MSTO1: variants seen among roughly 807,000 people sequenced by gnomAD.
MSTO1 encodes the protein misato mitochondrial distribution and morphology regulator 1.
MSTO1 carries 24 observed loss-of-function variants against 55.7 expected under a neutral mutation model. That is an observed-to-expected ratio of 0.43 (90% CI 0.31 to 0.61). MSTO1 has a LOEUF of 0.61. MSTO1 is among the 20% of genes least tolerant of loss of function. MSTO1 has a pLI of 0.09. For synonymous variants in MSTO1, 162 were observed against 252.8 expected, an observed-to-expected ratio of 0.64 and a Z score of 3.41; for missense variants, 363 against 625.7, an observed-to-expected ratio of 0.58 and a Z score of 4.48.
chr1:155,609,962 C>G (rs1323871128), upstream of MSTO1: 1 of 465,574 alleles, frequency 2.1e-6, no homozygotes, highest in East Asian at 4.0e-5. Context: ...CCTGGCGGCC[C>G]CAAGTCAGCG....
At chr1:155,574,209 T>G in the MSTO1 span, among the ~76,000 whole-genome samples, 4 of 152,022 alleles carry the variant, frequency 2.6e-5, no homozygotes. Flanking sequence ...AACACAAAAA[T>G]TAGCCAAGTG....
chr1:155,609,231 AT>A (rs2148978619), upstream of MSTO1, among the ~76,000 whole-genome samples: 1 of 46,702 alleles, frequency 2.1e-5, no homozygotes, highest in African/African-American at 6.6e-5. Flanking sequence ...ATATATATAT[AT>A]ATATATATAT....
At chr1:155,569,043 G>A in the MSTO1 span, among the ~76,000 whole-genome samples, 4 of 151,088 alleles carry the variant, frequency 2.6e-5, no homozygotes, top group Non-Finnish European at 4.4e-5. Context: ...TAGTAGAGCC[G>A]GGGTTTCAGC....
chr1:155,596,281 T>A, the MSTO1 span, among the ~76,000 whole-genome samples: 4 of 152,342 alleles, frequency 2.6e-5, no homozygotes, highest in East Asian at 7.7e-4. Context: ...TGCCAATTCC[T>A]CTGGGGTTTC....
At chr1:155,600,337 T>A in the MSTO1 span, among the ~76,000 whole-genome samples, 1 of 152,178 alleles carries the variant, frequency 6.6e-6, no homozygotes, top group Non-Finnish European at 1.5e-5. Context: ...TAACCCTGAG[T>A]TGACTCAGCA....
chr1:155,592,170 G>A, the MSTO1 span, among the ~76,000 whole-genome samples: 1 of 152,178 alleles, frequency 6.6e-6, no homozygotes, highest in African/African-American at 2.4e-5. Flanking sequence ...GATATTGTTT[G>A]TGTTGTGTGC....
chr1:155,612,312 G>T lies in MSTO1; in HGVS notation c.809G>T (p.Arg270Leu), dbSNP rs1247279165. Reference protein sequence around the residue: ...TWGLLPGPYHRGEAQRNIYRL... With the variant: ...TWGLLPGPYHLGEAQRNIYRL... ...GGCCTGCTACCTGGTCCCTACCATC[G>T]TGGGGTGAGTGGAACTTAGAGAAGT... Residue 270 changes from arginine (R) to leucine (L), a missense_variant, in exon 8 of 14, where the codon CGT becomes CTT. By Grantham distance (102) the Arg-to-Leu change is moderately radical. Coordinates refer to ENST00000245564, the MANE Select transcript of MSTO1 (RefSeq NM_018116.4). 6 of 1,577,692 alleles carry T rather than the reference G, an allele frequency of 3.8e-6. No individual in the cohort carries two copies. The East Asian group carries it at 1.3e-4, about 35-fold the overall frequency.
At position 155,613,577 on chromosome 1, in the gene MSTO1, C is replaced by T. The variant is rs374171250; in HGVS notation, c.1388+11C>T. Reference sequence around the variant, plus strand: ...GCCTGGAGTCATGAGGTCAGTGTAACGGTTGCTCCTGCCCTTCTTGCCAAC... The same window carrying T: ...GCCTGGAGTCATGAGGTCAGTGTAATGGTTGCTCCTGCCCTTCTTGCCAAC... On this transcript the variant is annotated intron_variant, in intron 12 of 13. Transcript: ENST00000245564. 3.7e-5 allele frequency: 60 copies of T among 1,602,678 alleles called. No individual in the cohort carries two copies. The African/African-American group carries it at 4.8e-4, about 13-fold the overall frequency.
At chr1:155,568,409 T>A in the MSTO1 span, among the ~76,000 whole-genome samples, 1 of 149,354 alleles carries the variant, frequency 6.7e-6, no homozygotes, top group East Asian at 2.0e-4. Flanking sequence ...CGGAAGAAAT[T>A]TGAGATTTTT....
chr1:155,605,367 AAAC>A (rs1345627199), upstream of MSTO1, among the ~76,000 whole-genome samples: 3 of 152,362 alleles, frequency 2.0e-5, no homozygotes, highest in East Asian at 5.8e-4. Flanking sequence ...AGTTCACCAT[AAAC>A]AACTTGGTAG....
At chr1:155,575,051 G>A in the MSTO1 span, among the ~76,000 whole-genome samples, 1 of 151,838 alleles carries the variant, frequency 6.6e-6, no homozygotes, top group Non-Finnish European at 1.5e-5. Flanking sequence ...ATTTTTAGTA[G>A]AGACGGAGTT....
chr1:155,601,475 A>C, the MSTO1 span, among the ~76,000 whole-genome samples: 1 of 151,894 alleles, frequency 6.6e-6, no homozygotes, highest in African/African-American at 2.4e-5. Flanking sequence ...GTTTAGTCTA[A>C]GATGGACCTG....
chr1:155,592,207 C>T, the MSTO1 span, among the ~76,000 whole-genome samples: 1 of 152,040 alleles, frequency 6.6e-6, no homozygotes, highest in Non-Finnish European at 1.5e-5. Context: ...TTTTGCTGTT[C>T]CTGTCTTTCA....
Position 155,613,064 on chromosome 1 carries a change from G to A in MSTO1, c.1114G>A (p.Ala372Thr), listed in dbSNP as rs1363118465. 7 of 1,613,716 alleles carry A rather than the reference G, an allele frequency of 4.3e-6. No individual in the cohort carries two copies. The highest frequency in any genetic ancestry group is 5.9e-6 in the Non-Finnish European group (7 of 1,180,038). Residue 372 changes from alanine to threonine, a missense_variant, in exon 11 of 14, where the codon GCA (alanine) becomes ACA (threonine). Physicochemically the swap from Ala to Thr is moderately conservative, Grantham distance 58. Coordinates refer to ENST00000245564, the MANE Select transcript of MSTO1 (RefSeq NM_018116.4). ...ATCTCTTTAGGTGGTGACAGCAGGA[G>A]CAATCATCCCTTTCCCCTTGGCTCC... is the stretch of plus-strand genomic sequence containing the variant. ...FCGKKVVTAG[A>T]IIPFPLAPGQ... is the part of the protein sequence containing the mutation.
the MSTO1 span, chr1:155,591,224 C>T: frequency 6.2e-7 from 1 of 1,611,040 alleles, no homozygotes; most frequent in South Asian, 1.1e-5. Flanking sequence ...CCAGCAGTGT[C>T]AGGACGACTC....
chr1:155,599,128 T>A, the MSTO1 span, among the ~76,000 whole-genome samples: 1 of 151,634 alleles, frequency 6.6e-6, no homozygotes, highest in East Asian at 1.9e-4. Context: ...CAGTGAGCCG[T>A]GATCGCACCA....
chr1:155,597,919 C>T, the MSTO1 span, among the ~76,000 whole-genome samples: 2 of 151,656 alleles, frequency 1.3e-5, no homozygotes, highest in South Asian at 2.1e-4. Context: ...TGGGTTCGAG[C>T]GATTCTCCTG....
At chr1:155,581,959 T>G in the MSTO1 span, among the ~76,000 whole-genome samples, 1 of 145,942 alleles carries the variant, frequency 6.9e-6, no homozygotes, top group Non-Finnish European at 1.5e-5. Flanking sequence ...ATGTCTGGCT[T>G]TTTTTTTTTT....
chr1:155,612,524 G>T lies in MSTO1; in HGVS notation c.920G>T (p.Gly307Val). The change falls in exon 9 of 14, where the codon GGC becomes GTC. Residue 307 changes from glycine (G) to valine (V), a missense_variant. Transcript: ENST00000245564. ...CCCTTGTCCTTGGGTGGGAGCCTGGGCCTGCGACCCGAGCCACCTGTCAGC... is the reference window on the plus strand; with the variant it reads ...CCCTTGTCCTTGGGTGGGAGCCTGGTCCTGCGACCCGAGCCACCTGTCAGC... ...VCPLSLGGSL[G>V]LRPEPPVSFP... 1 of 1,613,524 alleles carries T rather than the reference G, an allele frequency of 6.2e-7. No homozygotes were observed. Among genetic ancestry groups the T allele is most frequent in the Non-Finnish European group, 8.5e-7 (1 of 1,179,962 alleles).
Sources: gnomAD v4.1 joint callset for allele counts (sites outside exome capture counted in the v4.1 genomes callset) on GRCh38, gnomAD v4.1.1 for gene constraint, MANE v1.5 for transcripts, NCBI Gene and HGNC (gene_info 2026-07-23, HGNC 2026-07-21) for gene names.